SLC2A3: variants seen among roughly 807,000 people sequenced by gnomAD.
The protein encoded by SLC2A3 is solute carrier family 2 member 3, also known as solute carrier family 2, facilitated glucose transporter member 3.
A neutral mutation model predicts 46.4 loss-of-function variants in SLC2A3; 21 were observed. The ratio of observed to expected loss-of-function variants is 0.45; its 90% CI spans 0.32 to 0.65. The LOEUF (loss-of-function observed/expected upper bound fraction) is 0.65, where lower values mean the gene tolerates loss of function less well. Ranked by LOEUF, SLC2A3 falls within the 30% of genes least tolerant of loss-of-function variation. The pLI, the probability that SLC2A3 is intolerant of heterozygous loss-of-function variation, is 0.04. For synonymous variants in SLC2A3, 213 were observed against 239.4 expected, an observed-to-expected ratio of 0.89 and a Z score of 1.02; for missense variants, 499 against 623.3, an observed-to-expected ratio of 0.80 and a Z score of 2.12.
In SLC2A3 at chr12:7,922,846, A is replaced by G; in HGVS notation, c.1247T>C (p.Val416Ala). ...GCSNWTSNFLVGLLFPSAAHY... is the reference protein window; with the variant it reads ...GCSNWTSNFLAGLLFPSAAHY... ...AGCAGCGGAGGGGAAGAGCAATCCG[A>G]CTAGGAAGTTGGAGGTCCAGTTGGA... Residue 416 changes from valine (V) to alanine (A), a missense_variant, in exon 9 of 10, where the codon GTC becomes GCC. Around this residue, in one of 5 missense-constraint regions of SLC2A3, gnomAD observed 179 missense variants for 205.1 expected, o/e 0.87. Transcript: ENST00000075120. 6.2e-7 allele frequency: 1 copy of G among 1,614,006 alleles called. No individual in the cohort carries two copies. Among genetic ancestry groups the G allele is most frequent in the South Asian group, 1.1e-5 (1 of 91,072 alleles).
intron 6 of SLC2A3, among the ~76,000 whole-genome samples, chr12:7,929,034 T>C (rs1396787675): frequency 6.6e-6 from 1 of 151,984 alleles, no homozygotes; most frequent in Non-Finnish European, 1.5e-5. Context: ...TATCCTGGTG[T>C]GCTAGGTAGG....
chr12:7,925,155 G>A (rs1480700173), intron 7 of SLC2A3, among the ~76,000 whole-genome samples: 7 of 152,204 alleles, frequency 4.6e-5, no homozygotes, highest in East Asian at 1.9e-4. Flanking sequence ...TCCAGACCTC[G>A]CCCCGTGAAT....
intron 6 of SLC2A3, among the ~76,000 whole-genome samples, chr12:7,928,695 G>A (rs1946120959): frequency 6.6e-6 from 1 of 151,992 alleles, no homozygotes; most frequent in Admixed American, 6.6e-5. Flanking sequence ...CTGCTGCTCT[G>A]GAAAGTCTCG....
At chr12:7,925,776 A>G in intron 7 of SLC2A3, 68 bp downstream of exon 7, 2 of 1,219,602 alleles carry the variant, frequency 1.6e-6, no homozygotes, top group Non-Finnish European at 2.4e-6. Flanking sequence ...GGGTCATGCA[A>G]TCCATCTTTG....
intron 2 of SLC2A3, 42 bp downstream of exon 2, chr12:7,933,768 C>T (rs773339709): frequency 6.9e-6 from 11 of 1,590,750 alleles, no homozygotes; most frequent in Middle Eastern, 1.8e-4. Context: ...AAAGGAATAA[C>T]TTCCCTATTC....
At chr12:7,934,233 G>T (rs755439572) in intron 1 of SLC2A3, among the ~76,000 whole-genome samples, 1 of 152,086 alleles carries the variant, frequency 6.6e-6, no homozygotes, top group Non-Finnish European at 1.5e-5. Context: ...CGAACTGGGA[G>T]GGCAGAGAAA....
In SLC2A3 at chr12:7,933,001, G is replaced by C. The variant is rs138688798; in HGVS notation, c.255C>G (p.Val85=). Residue 85 remains valine (V), a synonymous_variant, in exon 3 of 10, where the codon GTC becomes GTG. Coordinates refer to ENST00000075120, the MANE Select transcript of SLC2A3 (RefSeq NM_006931.3). The stretch of plus-strand genomic sequence containing the variant: ...CTAGTCAATACCTGCCAAAGCGGTT[G>C]ACGAAGAGTCCGACGGAAAAGGAGC... The part of the protein sequence containing the change: ...MIGSFSVGLF[V]NRFGRRNSML... The C allele has an allele frequency of 6.2e-7, 1 of 1,613,964 alleles. No homozygotes were observed. The highest frequency in any genetic ancestry group is 1.3e-5 in the African/African-American group (1 of 74,894).
Position 7,922,970 on chromosome 12 carries a change from C to A in SLC2A3, c.1123G>T (p.Ala375Ser). The A allele has an allele frequency of 6.2e-7, 1 of 1,614,048 alleles. No individual in the cohort carries two copies. Among genetic ancestry groups the A allele is most frequent in the Non-Finnish European group, 8.5e-7 (1 of 1,179,998 alleles). ...VCIGAILVFV[A>S]FFEIGPGPIP... ...GGGCCTGGTCCAATTTCAAAGAAGG[C>A]TACAAAGACCAAGATAGCCCCAATA... Residue 375 changes from alanine to serine, a missense_variant, in exon 9 of 10, where the codon GCC becomes TCC. Around this residue, in one of 5 missense-constraint regions of SLC2A3, gnomAD observed 179 missense variants for 205.1 expected, o/e 0.87. Transcript: ENST00000075120.
At chr12:7,921,780 T>G (rs1301463707) in intron 9 of SLC2A3, 149 bp from the exon 10 acceptor site, 7 of 886,640 alleles carry the variant, frequency 7.9e-6, no homozygotes, top group African/African-American at 1.7e-5. Flanking sequence ...CGCTTATGAT[T>G]CCATTGCTAA....
chr12:7,927,808 G>T (rs1164656305), intron 6 of SLC2A3, among the ~76,000 whole-genome samples: 4 of 152,144 alleles, frequency 2.6e-5, no homozygotes, highest in African/African-American at 9.7e-5. Flanking sequence ...GCCGGGCGAG[G>T]TGGGTCACAC....
chr12:7,930,662 A>T lies in SLC2A3; in HGVS notation c.511-20T>A, dbSNP rs779128781. The T allele has an allele frequency of 6.2e-7, 1 of 1,609,550 alleles. No homozygotes were observed. Among genetic ancestry groups the T allele is most frequent in the Non-Finnish European group, 8.5e-7 (1 of 1,177,808 alleles). ...AAAGATCTAGAAACCACACAAAGAT[A>T]ATGCTATAAACCCCATACTTCACAG... On this transcript the variant is annotated intron_variant, in intron 4 of 9. Coordinates refer to ENST00000075120, the MANE Select transcript of SLC2A3 (RefSeq NM_006931.3).
chr12:7,930,355 G>A (rs1206463849), intron 5 of SLC2A3, 125 bp downstream of exon 5: 43 of 1,088,804 alleles, frequency 3.9e-5, no homozygotes, highest in Non-Finnish European at 5.7e-5. Context: ...GGAGTAATCA[G>A]AACCCTCCTC....
chr12:7,930,061 C>T (rs1946135726), intron 5 of SLC2A3, 190 bp from the exon 6 acceptor site: 1 of 1,217,412 alleles, frequency 8.2e-7, no homozygotes. Context: ...TCTCAGCTCC[C>T]TGCAACCTCC....
chr12:7,925,694 A>G, intron 7 of SLC2A3, 150 bp downstream of exon 7: 2 of 640,294 alleles, frequency 3.1e-6, no homozygotes, highest in Non-Finnish European at 5.5e-6. Context: ...AGTGAAGACT[A>G]CATCCAACAT....
intron 6 of SLC2A3, among the ~76,000 whole-genome samples, chr12:7,926,380 C>T (rs755923423): frequency 1.3e-5 from 2 of 152,208 alleles, no homozygotes; most frequent in South Asian, 2.1e-4. Flanking sequence ...CATGAGCCAC[C>T]GCACCTGGCC....
chr12:7,925,051 G>A (rs7979258), intron 7 of SLC2A3, among the ~76,000 whole-genome samples: 3,391 of 152,104 alleles, frequency 0.022, no homozygotes, highest in African/African-American at 0.076. Flanking sequence ...ATCTGAACCC[G>A]TGGAAGCTGA....
At position 7,933,913 on chromosome 12, in the gene SLC2A3, G is replaced by T. The variant is rs1476536468; in HGVS notation, c.16-11C>A. 6.2e-7 allele frequency: 1 copy of T among 1,610,122 alleles called. No homozygotes were observed. Among genetic ancestry groups the T allele is most frequent in the African/African-American group, 1.3e-5 (1 of 74,800 alleles). ...CAGAGCTGGGGTGACCTGGAGGGAG[G>T]GAAGACAGAGGAGAGAATAGTCCTT... On this transcript the variant is annotated splice_polypyrimidine_tract_variant and intron_variant, in intron 1 of 9. Coordinates refer to ENST00000075120, the MANE Select transcript of SLC2A3 (RefSeq NM_006931.3).
chr12:7,923,056 T>G (rs1371676453), intron 8 of SLC2A3, 32 bp from the exon 9 acceptor site: 1 of 1,583,726 alleles, frequency 6.3e-7, no homozygotes, highest in East Asian at 2.3e-5. Flanking sequence ...AAAATTAAAT[T>G]TAAAGACAGT....
intron 6 of SLC2A3, among the ~76,000 whole-genome samples, chr12:7,928,648 A>C (rs766973294): frequency 6.6e-6 from 1 of 152,058 alleles, no homozygotes; most frequent in African/African-American, 2.4e-5. Context: ...TCAGGGCTAC[A>C]CTTGCACGTA....
Sources: gnomAD v4.1 joint callset for allele counts (sites outside exome capture counted in the v4.1 genomes callset) on GRCh38, gnomAD v4.1.1 for gene constraint, gnomAD v4.1.1 regional missense constraint, MANE v1.5 for transcripts, NCBI Gene and HGNC (gene_info 2026-07-23, HGNC 2026-07-21) for gene names.